The following FAM13B variants were observed in gnomAD, a reference collection of about 807,000 sequenced individuals.
FAM13B encodes family with sequence similarity 13 member B.
FAM13B carries 60 observed loss-of-function variants against 117.3 expected under a neutral mutation model. The ratio of observed to expected loss-of-function variants is 0.51; its 90% CI spans 0.42 to 0.63. The LOEUF (loss-of-function observed/expected upper bound fraction) is 0.63. Among genes scored for constraint, FAM13B ranks in the 30% least tolerant of loss-of-function variants. The probability of loss-of-function intolerance (pLI) is 0.00; values close to 1 mark genes in which losing one functional copy is unlikely to be tolerated. For missense variants in FAM13B, 972 were observed against 1,091.9 expected (o/e 0.89, Z 1.55); for synonymous variants, 332 against 356.1 (o/e 0.93, Z 0.76).
chr5:138,044,568 A>C (rs1170137802), intron 1 of FAM13B, among the ~76,000 whole-genome samples: 2 of 150,752 alleles, frequency 1.3e-5, no homozygotes, highest in African/African-American at 2.4e-5. Flanking sequence ...AAAAAAAAAA[A>C]CGGATAATAT....
rs150226544 is a variant in FAM13B at position 137,991,349 on chromosome 5, C to T, written c.849-3034G>A. ...TCTTTATATGTGTAAGCATAAACAA[C>T]GTGTGCAACTATGTACCAAAATGGC... On this transcript the variant is annotated intron_variant, in intron 7 of 23. Transcript: ENST00000689681. Among the ~76,000 whole-genome samples the T allele has an allele frequency of 3.0e-3, 463 of 152,236 alleles. 2 individuals are homozygous for T. Among genetic ancestry groups the T allele is most frequent in the Non-Finnish European group, 4.6e-3 (316 of 68,010 alleles).
At chr5:138,033,111 C>G, upstream of FAM13B, 1 of 214,130 alleles carries the variant, frequency 4.7e-6, no homozygotes, top group Non-Finnish European at 7.0e-6. Flanking sequence ...ACGTGACGTG[C>G]GTGGGAGGGG....
chr5:137,973,009 A>G (rs1772751405), intron 10 of FAM13B, among the ~76,000 whole-genome samples: 1 of 152,238 alleles, frequency 6.6e-6, no homozygotes, highest in Admixed American at 6.5e-5. Context: ...GGAAGAATCG[A>G]TATCATGAAA....
chr5:138,049,715 C>T (rs964491610), intron 1 of FAM13B, among the ~76,000 whole-genome samples: 3 of 152,216 alleles, frequency 2.0e-5, no homozygotes, highest in East Asian at 1.9e-4. Context: ...ATATTGTCCA[C>T]AGTGCTGGGA....
chr5:137,972,368 T>C (rs1561478479), intron 10 of FAM13B, among the ~76,000 whole-genome samples: 3 of 152,208 alleles, frequency 2.0e-5, no homozygotes, highest in Non-Finnish European at 2.9e-5. Flanking sequence ...AAACCACGAT[T>C]ATCTCAATAG....
At chr5:138,037,722 C>T (rs767637227), upstream of FAM13B, among the ~76,000 whole-genome samples, 1 of 152,132 alleles carries the variant, frequency 6.6e-6, no homozygotes, top group Non-Finnish European at 1.5e-5. Flanking sequence ...TGTTTGAGTA[C>T]TGGGATATAG....
chr5:138,049,242 TC>T (rs1245565322), intron 1 of FAM13B, among the ~76,000 whole-genome samples: 1 of 150,470 alleles, frequency 6.6e-6, no homozygotes. Context: ...GTGCCTGGCT[TC>T]AGAGTGATAC....
chr5:137,971,270 C>T (rs964853876), intron 10 of FAM13B, among the ~76,000 whole-genome samples: 1 of 151,460 alleles, frequency 6.6e-6, no homozygotes, highest in South Asian at 2.1e-4. Context: ...TCTCTCAGAC[C>T]ACAGTGCAAT....
At chr5:138,025,532 C>T (rs1054339013) in intron 1 of FAM13B, among the ~76,000 whole-genome samples, 2 of 151,880 alleles carry the variant, frequency 1.3e-5, no homozygotes, top group East Asian at 3.9e-4. Context: ...CAAGAAAGTG[C>T]ATCTTCATAC....
intron 1 of FAM13B, among the ~76,000 whole-genome samples, chr5:138,051,209 C>T (rs1791790502): frequency 1.3e-5 from 2 of 152,142 alleles, no homozygotes; most frequent in African/African-American, 4.8e-5. Context: ...GCTTTTTACA[C>T]ATATTATTCC....
intron 7 of FAM13B, among the ~76,000 whole-genome samples, chr5:138,001,864 G>C (rs1781346123): frequency 6.6e-6 from 1 of 152,148 alleles, no homozygotes; most frequent in African/African-American, 2.4e-5. Flanking sequence ...AGTAGAACAT[G>C]ACTGGTGAAT....
chr5:137,970,168 CA>C (rs1771617385), intron 10 of FAM13B, among the ~76,000 whole-genome samples: 1 of 151,558 alleles, frequency 6.6e-6, no homozygotes, highest in South Asian at 2.1e-4. Context: ...TCAGATTCAC[CA>C]AAGTTGAAAC....
intron 1 of FAM13B, among the ~76,000 whole-genome samples, chr5:138,022,854 G>C (rs1448115296): frequency 6.6e-6 from 1 of 150,790 alleles, no homozygotes; most frequent in Non-Finnish European, 1.5e-5. Context: ...TTCGAGACAG[G>C]GTCTCACTCT....
At chr5:138,019,231 A>C in intron 2 of FAM13B, 85 bp from the exon 3 acceptor site, 1 of 1,173,508 alleles carries the variant, frequency 8.5e-7, no homozygotes, top group Non-Finnish European at 1.2e-6. Flanking sequence ...AATGCTTTAC[A>C]CCTGAATGTG....
At chr5:137,987,396 G>T in intron 9 of FAM13B, 65 bp downstream of exon 9, 1 of 1,338,412 alleles carries the variant, frequency 7.5e-7, no homozygotes, top group Non-Finnish European at 1.0e-6. Context: ...TATTTAAGTA[G>T]CAATACAGTT....
At chr5:137,979,471 T>C (rs1167574506) in intron 10 of FAM13B, among the ~76,000 whole-genome samples, 2 of 152,186 alleles carry the variant, frequency 1.3e-5, no homozygotes, top group Non-Finnish European at 2.9e-5. Context: ...GCTTCAAAGT[T>C]TTCTATATTT....
Position 137,956,475 on chromosome 5 carries a change from A to C in FAM13B, c.1507+2T>G, listed in dbSNP as rs1205348663. ...AACTAAACTATGGTGAACCATACTT[A>C]CCCTCCCCATCTCTCTGCAGATGCA... On this transcript the variant is annotated splice_donor_variant, in intron 14 of 23. Coordinates refer to ENST00000689681, the MANE Select transcript of FAM13B (RefSeq NM_001385994.1). LOFTEE classifies it high-confidence loss of function. The C allele has an allele frequency of 6.3e-7, 1 of 1,592,320 alleles. No individual in the cohort carries two copies.
intron 10 of FAM13B, among the ~76,000 whole-genome samples, chr5:137,977,721 C>T (rs1371669330): frequency 6.6e-6 from 1 of 152,216 alleles, no homozygotes; most frequent in Non-Finnish European, 1.5e-5. Context: ...GTGCAAAAGG[C>T]ATTCCACACA....
At chr5:137,941,364 A>G (rs1037699282) in intron 23 of FAM13B, among the ~76,000 whole-genome samples, 7 of 152,204 alleles carry the variant, frequency 4.6e-5, no homozygotes, top group African/African-American at 1.4e-4. Flanking sequence ...GGCCTGAGAT[A>G]ACTGAACCCA....
Sources: gnomAD v4.1 joint callset for allele counts (sites outside exome capture counted in the v4.1 genomes callset) on GRCh38, gnomAD v4.1.1 for gene constraint, MANE v1.5 for transcripts, NCBI Gene and HGNC (gene_info 2026-07-23, HGNC 2026-07-21) for gene names.